GLI2: variants seen among roughly 807,000 people sequenced by gnomAD.
GLI2 encodes the protein transcription activator GLI2.
A neutral mutation model predicts 78.9 loss-of-function variants in GLI2; 22 were observed. That is an observed-to-expected ratio of 0.28 (90% CI 0.20 to 0.40). The LOEUF is 0.40. Ranked by LOEUF, GLI2 falls within the 10% of genes least tolerant of loss-of-function variation. The pLI, the probability that GLI2 is intolerant of heterozygous loss-of-function variation, is 1.00. For synonymous variants in GLI2, 974 were observed against 963.7 expected (o/e 1.01, Z -0.20); for missense variants, 2,097 against 2,213.2 (o/e 0.95, Z 1.05).
chr2:120,753,177 A>C (rs1350041219), intron 1 of GLI2, among the ~76,000 whole-genome samples: 1 of 150,278 alleles, frequency 6.7e-6, no homozygotes, highest in African/African-American at 2.5e-5. Flanking sequence ...GCTCACTGCA[A>C]CTTCTGCCTC....
intron 2 of GLI2, among the ~76,000 whole-genome samples, chr2:120,903,209 A>G (rs1376196599): frequency 6.6e-6 from 1 of 152,082 alleles, no homozygotes; most frequent in Non-Finnish European, 1.5e-5. Context: ...ACATGGTGAA[A>G]CACGATCTCT....
intron 2 of GLI2, among the ~76,000 whole-genome samples, chr2:120,905,609 C>G (rs1228940218): frequency 6.6e-6 from 1 of 152,154 alleles, no homozygotes; most frequent in Non-Finnish European, 1.5e-5. Flanking sequence ...AGGGAGTTGC[C>G]AAAGACCAGG....
At chr2:120,817,282 C>T (rs1052578998) in intron 2 of GLI2, among the ~76,000 whole-genome samples, 1 of 152,192 alleles carries the variant, frequency 6.6e-6, no homozygotes, top group Non-Finnish European at 1.5e-5. Context: ...CGGTATGAAG[C>T]CACCCCCACT....
intron 2 of GLI2, among the ~76,000 whole-genome samples, chr2:120,894,683 T>C (rs1573554093): frequency 7.9e-6 from 1 of 126,686 alleles, no homozygotes; most frequent in East Asian, 2.5e-4. Flanking sequence ...TTTCCTCCCA[T>C]ATGGTTTTCT....
intron 2 of GLI2, among the ~76,000 whole-genome samples, chr2:120,834,661 G>C (rs1686520749): frequency 6.6e-6 from 1 of 152,168 alleles, no homozygotes; most frequent in South Asian, 2.1e-4. Flanking sequence ...ATCATCAGGA[G>C]CTGTGAGATG....
At chr2:120,830,099 G>A (rs753726150) in intron 2 of GLI2, among the ~76,000 whole-genome samples, 1 of 152,168 alleles carries the variant, frequency 6.6e-6, no homozygotes, top group Non-Finnish European at 1.5e-5. Context: ...GTGGGAGTCT[G>A]GTGGAGGTGG....
chr2:120,783,559 A>G (rs999094696), intron 1 of GLI2, among the ~76,000 whole-genome samples: 2 of 152,076 alleles, frequency 1.3e-5, no homozygotes, highest in African/African-American at 4.8e-5. Context: ...GAGGGGGAAG[A>G]GCAAGCAGCA....
At chr2:120,830,950 G>T (rs1163190914) in intron 2 of GLI2, among the ~76,000 whole-genome samples, 5 of 149,562 alleles carry the variant, frequency 3.3e-5, no homozygotes, top group Non-Finnish European at 3.0e-5. Context: ...TCTGTGTCCT[G>T]GTTTCACTCT....
intron 1 of GLI2, among the ~76,000 whole-genome samples, chr2:120,746,377 G>A (rs1270439660): frequency 6.6e-6 from 1 of 152,108 alleles, no homozygotes; most frequent in Non-Finnish European, 1.5e-5. Context: ...TGTCCACCTC[G>A]AGCTGCACCC....
Position 120,830,986 on chromosome 2 carries a change from T to C in GLI2, c.148+33518T>C, listed in dbSNP as rs1244354865. Reference sequence around the variant, plus strand: ...GCCTCCGTATCTCTCTCTGTCTCTTTTTTTTTTTTTTGCCTGTTTGGTCTC... The same window carrying C: ...GCCTCCGTATCTCTCTCTGTCTCTTCTTTTTTTTTTTGCCTGTTTGGTCTC... On this transcript the variant is annotated intron_variant, in intron 2 of 13. Coordinates refer to ENST00000361492, the MANE Select transcript of GLI2 (RefSeq NM_001374353.1). Among the ~76,000 whole-genome samples the C allele has an allele frequency of 4.7e-5, 7 of 147,980 alleles. No homozygotes were observed. The East Asian group carries it at 5.9e-4, about 12-fold the overall frequency.
intron 2 of GLI2, among the ~76,000 whole-genome samples, chr2:120,926,987 C>T (rs1451209487): frequency 1.3e-5 from 2 of 152,218 alleles, no homozygotes; most frequent in South Asian, 2.1e-4. Context: ...GCTGCTGGAG[C>T]CACACGCAGC....
At chr2:120,968,975 GAGGC>G in intron 6 of GLI2, 60 bp downstream of exon 6, 1 of 1,376,236 alleles carries the variant, frequency 7.3e-7, no homozygotes, top group Non-Finnish European at 1.0e-6. Context: ...GCCCGGTGGG[GAGGC>G]GCTGGCTTTT....
intron 3 of GLI2, among the ~76,000 whole-genome samples, chr2:120,931,249 G>T (rs1054755177): frequency 6.6e-6 from 1 of 152,238 alleles, no homozygotes; most frequent in Non-Finnish European, 1.5e-5. Context: ...GGTTCTGGAG[G>T]TTGCCTGCAT....
At chr2:120,835,796 TTGTGTGTGTGTA>T (rs937775908) in intron 2 of GLI2, among the ~76,000 whole-genome samples, 2 of 151,976 alleles carry the variant, frequency 1.3e-5, no homozygotes, top group South Asian at 2.1e-4. Context: ...GTGTGTGCGT[TTGTGTGTGTGTA>T]TGTGTGTGTG....
At chr2:120,969,743 G>T (rs2105016903) in intron 6 of GLI2, among the ~76,000 whole-genome samples, 1 of 152,316 alleles carries the variant, frequency 6.6e-6, no homozygotes, top group South Asian at 2.1e-4. Context: ...AGTGTCCTTT[G>T]TTCCTCATCT....
chr2:120,807,084 C>A (rs1461938080), intron 2 of GLI2, among the ~76,000 whole-genome samples: 2 of 152,164 alleles, frequency 1.3e-5, no homozygotes, highest in African/African-American at 4.8e-5. Flanking sequence ...AGCCACTGTG[C>A]ACTCAGATCA....
intron 1 of GLI2, among the ~76,000 whole-genome samples, chr2:120,778,901 G>A (rs1683759172): frequency 1.3e-5 from 2 of 152,204 alleles, no homozygotes; most frequent in Admixed American, 1.3e-4. Flanking sequence ...GGGTTGATTT[G>A]GTCACTTGGG....
At chr2:120,835,158 A>G (rs11885290) in intron 2 of GLI2, among the ~76,000 whole-genome samples, 38,945 of 152,046 alleles carry the variant, frequency 0.26, 5,495 homozygotes, top group African/African-American at 0.37. Flanking sequence ...GTATGGGTGG[A>G]GCCAATGGTC....
intron 2 of GLI2, among the ~76,000 whole-genome samples, chr2:120,840,166 G>T (rs1044380253): frequency 1.3e-5 from 2 of 152,100 alleles, no homozygotes; most frequent in Admixed American, 1.3e-4. Flanking sequence ...GAAGCCTTAG[G>T]ATCCACGTCT....
Sources: allele counts gnomAD v4.1 joint callset (sites outside exome capture counted in the v4.1 genomes callset), GRCh38; gene constraint gnomAD v4.1.1; transcripts MANE v1.5; gene names NCBI Gene and HGNC (gene_info 2026-07-23, HGNC 2026-07-21).